Variants in EXOC3 observed in about 807,000 individuals in gnomAD.
EXOC3 encodes the protein SEC6-like 1.
A neutral mutation model predicts 73.7 loss-of-function variants in EXOC3; 21 were observed. That is an observed-to-expected ratio of 0.29 (90% CI 0.20 to 0.41). The LOEUF (loss-of-function observed/expected upper bound fraction) is 0.41, where lower values mean the gene tolerates loss of function less well. Ranked by LOEUF, EXOC3 falls within the 10% of genes least tolerant of loss-of-function variation. The probability of loss-of-function intolerance (pLI) is 1.00; values close to 1 mark genes in which losing one functional copy is unlikely to be tolerated. For missense variants in EXOC3, 842 were observed against 985.1 expected (o/e 0.85, Z 1.95); for synonymous variants, 410 against 389.1 (o/e 1.05, Z -0.63).
chr5:466,306 CCTCCACCATGCTGG>C, intron 12 of EXOC3: 1 of 246,740 alleles, frequency 4.1e-6, no homozygotes, highest in Non-Finnish European at 7.8e-6. Context: ...GCACGTCCCC[CCTCCACCATGCTGG>C]CTCCAGGCCC....
chr5:446,940 G>T (rs1309790597), intron 2 of EXOC3: 2 of 154,712 alleles, frequency 1.3e-5, no homozygotes, highest in Non-Finnish European at 2.9e-5. Flanking sequence ...GGAAGGAGAA[G>T]TAGTCTTATT....
intron 3 of EXOC3, among the ~76,000 whole-genome samples, chr5:451,844 G>A (rs930818076): frequency 1.3e-5 from 2 of 152,228 alleles, no homozygotes; most frequent in Admixed American, 6.5e-5. Context: ...TTGGTTGACA[G>A]TATTTTTCTT....
intron 4 of EXOC3, among the ~76,000 whole-genome samples, chr5:454,890 G>A (rs1579738252): frequency 4.3e-5 from 2 of 47,010 alleles, no homozygotes; most frequent in South Asian, 5.6e-4. Flanking sequence ...TTTTTTTTTA[G>A]CAGTAAGGCA....
Position 453,832 on chromosome 5 carries a change from T to C in EXOC3, c.827T>C (p.Val276Ala), listed in dbSNP as rs1737725704. Residue 276 changes from valine (V) to alanine (A), a missense_variant, in exon 4 of 13, where the codon GTC becomes GCC. Val to Ala is a moderately conservative substitution (Grantham distance 64). Coordinates refer to ENST00000512944, the MANE Select transcript of EXOC3 (RefSeq NM_007277.5). ...AGAGAGTCTGACAAGATGTGGCTTG[T>C]CCGCCACCTGGAAATTATAAGGAAG... ...DTRESDKMWLVRHLEIIRKYV... is the reference protein window; with the variant it reads ...DTRESDKMWLARHLEIIRKYV... 1 of 1,613,702 alleles carries C rather than the reference T, an allele frequency of 6.2e-7. No individual in the cohort carries two copies.
chr5:448,893 C>T (rs933653098), intron 3 of EXOC3, among the ~76,000 whole-genome samples: 11 of 152,228 alleles, frequency 7.2e-5, no homozygotes, highest in South Asian at 2.1e-4. Flanking sequence ...CCAACACGAA[C>T]GCCACTGTGC....
intron 10 of EXOC3, chr5:464,763 A>G: frequency 2.4e-6 from 1 of 411,386 alleles, no homozygotes; most frequent in South Asian, 2.8e-5. Flanking sequence ...CTTTCCTCCA[A>G]AGTGCCTGCC....
chr5:445,353 C>CTTTT (rs11452170), intron 1 of EXOC3, among the ~76,000 whole-genome samples: 1 of 139,616 alleles, frequency 7.2e-6, no homozygotes. Context: ...CTTTTTTTTT[C>CTTTT]TTTTTTTTTT....
chr5:460,961 A>T (rs974144038), intron 7 of EXOC3, among the ~76,000 whole-genome samples: 1 of 152,140 alleles, frequency 6.6e-6, no homozygotes, highest in Non-Finnish European at 1.5e-5. Flanking sequence ...TTGTTGTATG[A>T]TTCTTCCACT....
At chr5:448,414 C>G (rs949339211) in intron 3 of EXOC3, among the ~76,000 whole-genome samples, 1 of 152,202 alleles carries the variant, frequency 6.6e-6, no homozygotes, top group Non-Finnish European at 1.5e-5. Context: ...ACAGCCTCAT[C>G]CCTCCCCTTG....
intron 9 of EXOC3, 39 bp downstream of exon 9, chr5:462,346 A>T: frequency 6.2e-7 from 1 of 1,611,380 alleles, no homozygotes; most frequent in Non-Finnish European, 8.5e-7. Context: ...TTCTGGGCCG[A>T]AGCCCAGTGC....
rs754980993 is a variant in EXOC3, at chr5:465,750, C to T, written c.1971C>T (p.Asp657=). 3 of 1,613,964 alleles carry T rather than the reference C, an allele frequency of 1.9e-6. No individual in the cohort carries two copies. The highest frequency in any genetic ancestry group is 2.2e-5 in the East Asian group (1 of 44,894). Residue 657 remains aspartate (D), a synonymous_variant, in exon 12 of 13, where the codon GAC becomes GAT. Transcript: ENST00000512944. The part of the protein sequence containing the change: ...GFGEDVDGYC[D]TIVAVAEVIK... Reference sequence around the variant, plus strand: ...GGGAAGACGTGGACGGATACTGCGACACCATCGTGGCTGTGGCCGAAGTGA... The same window carrying T: ...GGGAAGACGTGGACGGATACTGCGATACCATCGTGGCTGTGGCCGAAGTGA...
intron 7 of EXOC3, chr5:461,682 G>T: frequency 2.3e-6 from 1 of 434,748 alleles, no homozygotes; most frequent in Non-Finnish European, 4.2e-6. Context: ...GCAGCCAGCA[G>T]CCTTTAACTC....
In EXOC3 at chr5:466,789, C is replaced by A; in HGVS notation, c.2129C>A (p.Thr710Asn). The A allele has an allele frequency of 6.8e-6, 11 of 1,613,452 alleles. No homozygotes were observed. The highest frequency in any genetic ancestry group is 9.3e-6 in the Non-Finnish European group (11 of 1,179,824). The change falls in exon 13 of 13, where the codon ACC becomes AAC. Residue 710 changes from threonine to asparagine, a missense_variant. By Grantham distance (65) the Thr-to-Asn change is moderately conservative. Coordinates refer to ENST00000512944, the MANE Select transcript of EXOC3 (RefSeq NM_007277.5). ...GACGCCAGCCGTGACATGAAGCAGA[C>A]CATCATGGAGACCCTGGAGCAGGGC... ...RGDASRDMKQ[T>N]IMETLEQGPA...
In EXOC3 at chr5:459,404, T is replaced by C; in HGVS notation, c.1336T>C (p.Leu446=). 1 of 1,575,900 alleles carries C rather than the reference T, an allele frequency of 6.3e-7. No individual in the cohort carries two copies. The highest frequency in any genetic ancestry group is 1.7e-4 in the Middle Eastern group (1 of 6,008). Reference sequence around the variant, plus strand: ...AGTTGCTGCTCAGATAAGTGAAGATTTGAAAACAAAGGTACTAGTTTTATG... The same window carrying C: ...AGTTGCTGCTCAGATAAGTGAAGATCTGAAAACAAAGGTACTAGTTTTATG... ...LQVAAQISED[L]KTKVLVLCLQ... Residue 446 remains leucine (L), a synonymous_variant, in exon 7 of 13, where the codon TTG becomes CTG. Transcript: ENST00000512944.
chr5:443,483 C>T (rs1377614590), intron 1 of EXOC3, among the ~76,000 whole-genome samples, 193 bp downstream of exon 1: 2 of 152,182 alleles, frequency 1.3e-5, no homozygotes, highest in Non-Finnish European at 2.9e-5. Flanking sequence ...CGCAGGTGTC[C>T]TCCCCGGCAC....
intron 1 of EXOC3, among the ~76,000 whole-genome samples, chr5:444,093 C>A (rs991859078): frequency 6.6e-6 from 1 of 152,196 alleles, no homozygotes; most frequent in Non-Finnish European, 1.5e-5. Flanking sequence ...GCAGGTGTCT[C>A]CGTGGGTGCT....
intron 9 of EXOC3, among the ~76,000 whole-genome samples, chr5:463,648 C>CT (rs1283470770): frequency 6.6e-6 from 1 of 152,080 alleles, no homozygotes; most frequent in Non-Finnish European, 1.5e-5. Flanking sequence ...TTGTACACTT[C>CT]TATTGGAGTT....
chr5:466,566 G>A, intron 12 of EXOC3, 161 bp from the exon 13 acceptor site: 1 of 606,696 alleles, frequency 1.6e-6, no homozygotes, highest in Non-Finnish European at 2.8e-6. Flanking sequence ...AGATGAAAAT[G>A]CAGGCTTGTC....
Position 446,340 on chromosome 5 carries a change from C to T in EXOC3, c.135C>T (p.Ala45=). Reference sequence around the variant, plus strand: ...CGCGGAAGAAGGCCTCCGTGGAGGCCAGATTGAAGGTGAGGCCACCTGCCC... The same window carrying T: ...CGCGGAAGAAGGCCTCCGTGGAGGCTAGATTGAAGGTGAGGCCACCTGCCC... ...REARKKASVE[A]RLKAAIQSQL... is the part of the protein sequence containing the mutation. The change falls in exon 2 of 13, where the codon GCC becomes GCT. Residue 45 remains alanine (A), a synonymous_variant. Coordinates refer to ENST00000512944, the MANE Select transcript of EXOC3 (RefSeq NM_007277.5). 1 of 1,604,318 alleles carries T rather than the reference C, an allele frequency of 6.2e-7. No homozygotes were observed. The highest frequency in any genetic ancestry group is 8.5e-7 in the Non-Finnish European group (1 of 1,175,160).
Sources: gnomAD v4.1 joint callset for allele counts (sites outside exome capture counted in the v4.1 genomes callset) on GRCh38, gnomAD v4.1.1 for gene constraint, MANE v1.5 for transcripts, NCBI Gene and HGNC (gene_info 2026-07-23, HGNC 2026-07-21) for gene names.